The following LMBRD1 variants were observed in gnomAD, a reference collection of about 807,000 sequenced individuals.
LMBRD1 encodes the protein lysosomal cobalamin transport escort protein LMBD1.
LMBRD1 carries 64 observed loss-of-function variants against 74.8 expected under a neutral mutation model. That is an observed-to-expected ratio of 0.86 (90% CI 0.70 to 1.05). The LOEUF is 1.05. LMBRD1 is among the 50% of genes least tolerant of loss of function. LMBRD1 has a pLI of 0.00. For missense variants in LMBRD1, 652 were observed against 645.9 expected (o/e 1.01, Z -0.10); for synonymous variants, 204 against 216.3 (o/e 0.94, Z 0.50).
intron 9 of LMBRD1, among the ~76,000 whole-genome samples, chr6:69,703,570 A>C (rs1451464532): frequency 6.6e-6 from 1 of 152,010 alleles, no homozygotes; most frequent in Non-Finnish European, 1.5e-5. Flanking sequence ...CAGAACACAG[A>C]ACAAATGTAA....
chr6:69,734,639 G>A (rs535034419), intron 7 of LMBRD1, among the ~76,000 whole-genome samples: 3 of 152,110 alleles, frequency 2.0e-5, no homozygotes, highest in South Asian at 2.1e-4. Context: ...CAGGTGACCC[G>A]CCCACCTCGG....
chr6:69,716,789 C>T (rs1442805474), intron 8 of LMBRD1, among the ~76,000 whole-genome samples: 1 of 151,762 alleles, frequency 6.6e-6, no homozygotes, highest in East Asian at 1.9e-4. Context: ...AACATTCTTA[C>T]ATACCTGGGT....
At position 69,713,712 on chromosome 6, in the gene LMBRD1, T is replaced by C. The variant is rs1184054225; in HGVS notation, c.848A>G (p.Glu283Gly). The C allele has an allele frequency of 1.9e-6, 3 of 1,613,622 alleles. No homozygotes were observed. The African/African-American group carries it at 4.0e-5, about 22-fold the overall frequency. The change falls in exon 9 of 16, where the codon GAG becomes GGG. Residue 283 changes from glutamate (E) to glycine (G), a missense_variant. Coordinates refer to ENST00000649934, the MANE Select transcript of LMBRD1 (RefSeq NM_018368.4). Reference sequence around the variant, plus strand: ...GTTTTCAATGAATTCTAAATGCCTCTCTCTCTTCTTAAGTGTTCGTAACCT... The same window carrying C: ...GTTTTCAATGAATTCTAAATGCCTCCCTCTCTTCTTAAGTGTTCGTAACCT... ...EERLRTLKKRERHLEFIENSW... is the reference protein window; with the variant it reads ...EERLRTLKKRGRHLEFIENSW...
chr6:69,697,696 G>A, intron 13 of LMBRD1, 55 bp from the exon 14 acceptor site: 1 of 1,027,102 alleles, frequency 9.7e-7, no homozygotes, highest in Admixed American at 1.7e-5. Context: ...AATACATTTG[G>A]ATTTAAAAAG....
At chr6:69,732,947 T>C (rs1012831907) in intron 7 of LMBRD1, among the ~76,000 whole-genome samples, 2 of 152,200 alleles carry the variant, frequency 1.3e-5, no homozygotes, top group Non-Finnish European at 2.9e-5. Context: ...CTTAAAATAA[T>C]AGGCAAACTA....
At chr6:69,683,869 G>T in intron 14 of LMBRD1, among the ~76,000 whole-genome samples, 1 of 151,922 alleles carries the variant, frequency 6.6e-6, no homozygotes, top group Non-Finnish European at 1.5e-5. Context: ...CATTTAAAAG[G>T]TCTCCAGTAA....
At chr6:69,678,348 T>C (rs1391028714) in intron 14 of LMBRD1, among the ~76,000 whole-genome samples, 1 of 151,884 alleles carries the variant, frequency 6.6e-6, no homozygotes, top group East Asian at 1.9e-4. Context: ...AGAGGAGGGG[T>C]TGGTCTTGCT....
At chr6:69,749,240 A>G in intron 5 of LMBRD1, 101 bp downstream of exon 5, 1 of 907,810 alleles carries the variant, frequency 1.1e-6, no homozygotes. Flanking sequence ...TTTTTCTTAC[A>G]TTTTTTTCTT....
chr6:69,746,040 G>T, intron 5 of LMBRD1: 1 of 214,652 alleles, frequency 4.7e-6, no homozygotes, highest in South Asian at 8.0e-5. Context: ...CAAGTTCTAG[G>T]GCACTGTCAA....
chr6:69,719,818 G>A (rs987415479), intron 7 of LMBRD1, among the ~76,000 whole-genome samples: 10 of 152,262 alleles, frequency 6.6e-5, no homozygotes, highest in African/African-American at 2.4e-4. Context: ...ACTCTGAAGT[G>A]GATACTACAT....
chr6:69,770,326 A>G (rs1452073582), intron 3 of LMBRD1, among the ~76,000 whole-genome samples: 1 of 152,220 alleles, frequency 6.6e-6, no homozygotes, highest in Non-Finnish European at 1.5e-5. Flanking sequence ...GTAGGGAAAC[A>G]TAACAGCCCT....
intron 9 of LMBRD1, among the ~76,000 whole-genome samples, chr6:69,711,258 A>G (rs966259187): frequency 5.9e-5 from 9 of 152,190 alleles, no homozygotes; most frequent in East Asian, 1.9e-4. Context: ...TTAAAATTCC[A>G]GAACACATAA....
intron 1 of LMBRD1, among the ~76,000 whole-genome samples, chr6:69,791,178 T>A (rs1316068091): frequency 6.6e-6 from 1 of 152,182 alleles, no homozygotes; most frequent in East Asian, 1.9e-4. Flanking sequence ...TTCTCTAACG[T>A]TAGGAGGCAT....
At chr6:69,779,416 A>G (rs9454890) in intron 3 of LMBRD1, among the ~76,000 whole-genome samples, 12,222 of 152,132 alleles carry the variant, frequency 0.08, 652 homozygotes, top group Admixed American at 0.15. Flanking sequence ...TAGCTTTTGT[A>G]TTATTATAAA....
At chr6:69,793,423 GTA>G (rs1766133626) in intron 1 of LMBRD1, among the ~76,000 whole-genome samples, 1 of 152,144 alleles carries the variant, frequency 6.6e-6, no homozygotes, top group African/African-American at 2.4e-5. Flanking sequence ...CACATATTTG[GTA>G]TTTCTAACAA....
chr6:69,719,580 AT>A (rs1766570671), intron 7 of LMBRD1, among the ~76,000 whole-genome samples: 1 of 152,204 alleles, frequency 6.6e-6, no homozygotes, highest in Admixed American at 6.5e-5. Context: ...TTTGCTAAGT[AT>A]TTTAAATATT....
chr6:69,750,984 A>C (rs1443268279), intron 4 of LMBRD1, among the ~76,000 whole-genome samples: 1 of 152,148 alleles, frequency 6.6e-6, no homozygotes, highest in Non-Finnish European at 1.5e-5. Flanking sequence ...AAATATAAAC[A>C]AGGTATAAAA....
At chr6:69,792,746 G>A (rs758190195) in intron 1 of LMBRD1, among the ~76,000 whole-genome samples, 34 of 152,098 alleles carry the variant, frequency 2.2e-4, no homozygotes, top group Non-Finnish European at 4.0e-4. Context: ...TATATCCTCA[G>A]CAGTACTTGA....
intron 3 of LMBRD1, among the ~76,000 whole-genome samples, chr6:69,769,971 T>G (rs187933635): frequency 2.0e-5 from 3 of 152,220 alleles, no homozygotes; most frequent in African/African-American, 7.2e-5. Flanking sequence ...TCAGGCCAAT[T>G]GCCCCTGGCT....
Sources: allele counts gnomAD v4.1 joint callset (sites outside exome capture counted in the v4.1 genomes callset), GRCh38; gene constraint gnomAD v4.1.1; transcripts MANE v1.5; gene names NCBI Gene and HGNC (gene_info 2026-07-23, HGNC 2026-07-21).